The following SPATA17 variants were observed in gnomAD, a reference collection of about 807,000 sequenced individuals.
SPATA17 encodes the protein spermatogenesis associated 17, also known as spermatogenesis-associated protein 17.
SPATA17 carries 53 observed loss-of-function variants against 62.2 expected under a neutral mutation model. The ratio of observed to expected loss-of-function variants is 0.85; its 90% CI spans 0.68 to 1.07. The LOEUF (loss-of-function observed/expected upper bound fraction) is 1.07, where lower values mean the gene tolerates loss of function less well. Among genes scored for constraint, SPATA17 ranks in the 50% least tolerant of loss-of-function variants. The pLI, the probability that SPATA17 is intolerant of heterozygous loss-of-function variation, is 0.00. For missense variants in SPATA17, 466 were observed against 425.5 expected (o/e 1.10, Z -0.84); for synonymous variants, 146 against 146.8 (o/e 0.99, Z 0.04).
At chr1:217,824,795 A>C (rs1674948119) in intron 9 of SPATA17, among the ~76,000 whole-genome samples, 1 of 151,010 alleles carries the variant, frequency 6.6e-6, no homozygotes, top group African/African-American at 2.4e-5. Context: ...TAAAACTTTT[A>C]GGTTAATAAT....
intron 1 of SPATA17, among the ~76,000 whole-genome samples, chr1:217,644,807 C>T (rs1273928273): frequency 1.3e-5 from 2 of 151,926 alleles, no homozygotes; most frequent in Non-Finnish European, 2.9e-5. Flanking sequence ...TTTGGTCTTT[C>T]ATCATTATTA....
At chr1:217,721,570 G>A (rs977833165) in intron 5 of SPATA17, among the ~76,000 whole-genome samples, 1 of 152,006 alleles carries the variant, frequency 6.6e-6, no homozygotes, top group Non-Finnish European at 1.5e-5. Flanking sequence ...ATGACTCCTC[G>A]CACAAGGTTG....
intron 5 of SPATA17, among the ~76,000 whole-genome samples, chr1:217,687,229 A>T (rs1305039834): frequency 6.6e-6 from 1 of 151,992 alleles, no homozygotes; most frequent in Non-Finnish European, 1.5e-5. Flanking sequence ...CATTTAATAT[A>T]TTTTTATATA....
rs561142581 is a variant in SPATA17 at position 217,707,497 on chromosome 1, G to A, written c.395+24136G>A. 1.8e-4 allele frequency among the ~76,000 whole-genome samples: 27 copies of A among 152,170 alleles called. No individual in the cohort carries two copies. The South Asian group carries it at 2.5e-3, about 14-fold the overall frequency. On this transcript the variant is annotated intron_variant, in intron 5 of 10. Transcript: ENST00000366933. ...AGTGGTGAGAGAGGGCATCCTTATCGTGTTCTATTTCTCAAGGGGAATTGC... is the reference window on the plus strand; with the variant it reads ...AGTGGTGAGAGAGGGCATCCTTATCATGTTCTATTTCTCAAGGGGAATTGC...
chr1:217,712,184 T>C (rs559591164), intron 5 of SPATA17, among the ~76,000 whole-genome samples: 1 of 146,544 alleles, frequency 6.8e-6, no homozygotes, highest in East Asian at 2.0e-4. Context: ...TGGAGTGCAA[T>C]GGTACGATCT....
chr1:217,859,467 G>A (rs1166220248), intron 9 of SPATA17, among the ~76,000 whole-genome samples: 6 of 151,920 alleles, frequency 3.9e-5, no homozygotes, highest in African/African-American at 1.5e-4. Flanking sequence ...GAGTGCAGTG[G>A]CACAACCATG....
chr1:217,820,013 A>T (rs771481864), intron 9 of SPATA17, among the ~76,000 whole-genome samples: 15 of 152,108 alleles, frequency 9.9e-5, no homozygotes, highest in Non-Finnish European at 4.4e-5. Context: ...AAGACTGGAT[A>T]GTAAAGAACC....
intron 9 of SPATA17, among the ~76,000 whole-genome samples, chr1:217,843,361 A>G (rs1236639952): frequency 6.6e-6 from 1 of 152,058 alleles, no homozygotes; most frequent in Non-Finnish European, 1.5e-5. Context: ...TCATGCCTGT[A>G]ATCTCAGCAC....
At chr1:217,772,898 T>C (rs1673487163) in intron 6 of SPATA17, among the ~76,000 whole-genome samples, 1 of 152,204 alleles carries the variant, frequency 6.6e-6, no homozygotes, top group Non-Finnish European at 1.5e-5. Flanking sequence ...GCATTTGGTA[T>C]AGGACACTGC....
chr1:217,716,322 A>G (rs767184898), intron 5 of SPATA17, among the ~76,000 whole-genome samples: 3 of 152,240 alleles, frequency 2.0e-5, no homozygotes, highest in Non-Finnish European at 4.4e-5. Flanking sequence ...CAGACTGCTA[A>G]CATGTGCAGC....
chr1:217,730,747 C>T (rs1487999955), intron 5 of SPATA17, among the ~76,000 whole-genome samples: 1 of 152,026 alleles, frequency 6.6e-6, no homozygotes, highest in Non-Finnish European at 1.5e-5. Context: ...TCTCACTTCT[C>T]TTACCTGATT....
At chr1:217,793,441 C>G (rs1674055532) in intron 8 of SPATA17, among the ~76,000 whole-genome samples, 1 of 152,034 alleles carries the variant, frequency 6.6e-6, no homozygotes, top group African/African-American at 2.4e-5. Flanking sequence ...AGGATGGTCT[C>G]GATCTCTTGA....
intron 5 of SPATA17, among the ~76,000 whole-genome samples, chr1:217,701,162 A>T (rs1190485729): frequency 1.3e-5 from 2 of 150,926 alleles, no homozygotes; most frequent in East Asian, 2.0e-4. Context: ...TTTTGTGGAG[A>T]TGGGGTTTCA....
chr1:217,687,509 A>G (rs1394796412), intron 5 of SPATA17, among the ~76,000 whole-genome samples: 2 of 152,210 alleles, frequency 1.3e-5, no homozygotes, highest in Non-Finnish European at 2.9e-5. Context: ...AGATTATAAT[A>G]CTATACTTTT....
intron 10 of SPATA17, among the ~76,000 whole-genome samples, chr1:217,863,859 G>C (rs1675947001): frequency 6.6e-6 from 1 of 152,140 alleles, no homozygotes; most frequent in Non-Finnish European, 1.5e-5. Context: ...GCAGAAATGA[G>C]AAATCATGCT....
At chr1:217,824,871 A>G (rs1036607143) in intron 9 of SPATA17, among the ~76,000 whole-genome samples, 5 of 151,002 alleles carry the variant, frequency 3.3e-5, no homozygotes, top group Admixed American at 6.6e-5. Flanking sequence ...GATATGAAAC[A>G]AATTTAAAGA....
chr1:217,801,893 G>A, intron 9 of SPATA17, 43 bp downstream of exon 9: 1 of 1,536,992 alleles, frequency 6.5e-7, no homozygotes, highest in Non-Finnish European at 8.8e-7. Context: ...CTTTTTAAAA[G>A]CTAGAAATAT....
chr1:217,712,577 C>G (rs1158472361), intron 5 of SPATA17, among the ~76,000 whole-genome samples: 2 of 152,108 alleles, frequency 1.3e-5, no homozygotes, highest in African/African-American at 4.8e-5. Flanking sequence ...CAGCCCCAGG[C>G]CTTTTCCTTC....
intron 9 of SPATA17, among the ~76,000 whole-genome samples, chr1:217,813,485 C>T (rs1478684304): frequency 1.3e-5 from 2 of 152,286 alleles, no homozygotes; most frequent in African/African-American, 4.8e-5. Flanking sequence ...TCTTTCCATA[C>T]ATGCTGATTG....
Sources: gnomAD v4.1 joint callset for allele counts (sites outside exome capture counted in the v4.1 genomes callset) on GRCh38, gnomAD v4.1.1 for gene constraint, MANE v1.5 for transcripts, NCBI Gene and HGNC (gene_info 2026-07-23, HGNC 2026-07-21) for gene names.